Variants in CNTNAP2 observed in about 807,000 individuals in gnomAD.
The protein encoded by CNTNAP2 is contactin associated protein 2, also known as contactin-associated protein-like 2.
In CNTNAP2, 98 loss-of-function variants were observed where a neutral mutation model predicts 155.2. The ratio of observed to expected loss-of-function variants is 0.63; its 90% CI spans 0.54 to 0.75. CNTNAP2 has a LOEUF of 0.75. Among genes scored for constraint, CNTNAP2 ranks in the 30% least tolerant of loss-of-function variants. CNTNAP2 has a pLI of 0.00. For missense variants in CNTNAP2, 1,727 were observed against 1,688.1 expected (o/e 1.02, Z -0.40); for synonymous variants, 651 against 631.2 (o/e 1.03, Z -0.47).
At chr7:147,417,391 C>G (rs78914549) in intron 10 of CNTNAP2, among the ~76,000 whole-genome samples, 44 of 152,250 alleles carry the variant, frequency 2.9e-4, no homozygotes, top group African/African-American at 8.9e-4. Flanking sequence ...TTCTCACATG[C>G]TAGGCAGGCA....
intron 11 of CNTNAP2, among the ~76,000 whole-genome samples, chr7:147,505,479 A>G (rs1798890707): frequency 6.6e-6 from 1 of 152,206 alleles, no homozygotes. Flanking sequence ...TGTACACACT[A>G]AAGTGTGTCT....
chr7:146,407,589 T>A (rs1165493570), intron 1 of CNTNAP2, among the ~76,000 whole-genome samples: 1 of 152,184 alleles, frequency 6.6e-6, no homozygotes, highest in East Asian at 1.9e-4. Flanking sequence ...ATAGACAACC[T>A]CTTCCAGGAA....
intron 16 of CNTNAP2, among the ~76,000 whole-genome samples, chr7:148,126,914 C>A (rs1804728682): frequency 6.6e-6 from 1 of 152,072 alleles, no homozygotes; most frequent in Admixed American, 6.6e-5. Flanking sequence ...GTTAGGGTCC[C>A]CTTAGGGTGG....
At chr7:147,519,115 T>TA (rs1357248931) in intron 11 of CNTNAP2, among the ~76,000 whole-genome samples, 1 of 151,180 alleles carries the variant, frequency 6.6e-6, no homozygotes, top group Non-Finnish European at 1.5e-5. Context: ...ACAACACAAA[T>TA]ATGTTATCTT....
At chr7:147,058,539 C>G (rs1386942339) in intron 4 of CNTNAP2, among the ~76,000 whole-genome samples, 2 of 152,134 alleles carry the variant, frequency 1.3e-5, no homozygotes, top group African/African-American at 4.8e-5. Flanking sequence ...GCAAACAAAT[C>G]AATAAAATAA....
intron 1 of CNTNAP2, among the ~76,000 whole-genome samples, chr7:146,315,338 G>C (rs986272222): frequency 3.9e-5 from 6 of 152,142 alleles, no homozygotes; most frequent in African/African-American, 1.4e-4. Flanking sequence ...TTGCAGTGAT[G>C]GTAAAAGTTG....
rs1436821722 is a variant in CNTNAP2, at chr7:148,416,666, G to T, written c.*1050G>T. ...TCCTAATAGACAGTGTCCTGTAAAT[G>T]GACACAACACAATAAAGTCAAGTTA... On this transcript the variant is annotated 3_prime_UTR_variant, in exon 24 of 24. Transcript: ENST00000361727. The T allele has an allele frequency of 6.6e-6, 1 of 152,584 alleles. No homozygotes were observed. The highest frequency in any genetic ancestry group is 2.4e-5 in the African/African-American group (1 of 41,426). The allele number at this position is 152,584 out of a possible 1,614,324, so 9.5% of individuals were successfully genotyped here. A position where few individuals can be genotyped will look rare whatever the true frequency, so the allele number is the denominator to read the frequency against.
At chr7:146,762,722 C>T (rs1277295956) in intron 1 of CNTNAP2, among the ~76,000 whole-genome samples, 3 of 152,144 alleles carry the variant, frequency 2.0e-5, no homozygotes, top group South Asian at 2.1e-4. Flanking sequence ...CACAGTTCCA[C>T]GTGGCTGGGG....
At chr7:146,721,551 CTA>C (rs1347597286) in intron 1 of CNTNAP2, among the ~76,000 whole-genome samples, 1 of 92,448 alleles carries the variant, frequency 1.1e-5, no homozygotes, top group South Asian at 3.0e-4. Flanking sequence ...TATATATATT[CTA>C]TATACATTCT....
chr7:147,425,242 T>G (rs1584941379), intron 10 of CNTNAP2, among the ~76,000 whole-genome samples: 1 of 138,898 alleles, frequency 7.2e-6, no homozygotes, highest in Admixed American at 7.7e-5. Context: ...ATTCTCCTTC[T>G]TGTTCCACAC....
At chr7:148,066,730 C>T (rs185886933) in intron 15 of CNTNAP2, among the ~76,000 whole-genome samples, 1 of 152,202 alleles carries the variant, frequency 6.6e-6, no homozygotes, top group Admixed American at 6.5e-5. Flanking sequence ...GATCTCCTGA[C>T]CTCATGATCC....
At chr7:147,509,528 G>A (rs987539280) in intron 11 of CNTNAP2, among the ~76,000 whole-genome samples, 1 of 152,000 alleles carries the variant, frequency 6.6e-6, no homozygotes, top group Non-Finnish European at 1.5e-5. Context: ...TCCCTTCATT[G>A]TGCTTTTTCT....
At chr7:148,247,910 T>C (rs920380062) in intron 20 of CNTNAP2, among the ~76,000 whole-genome samples, 1 of 152,010 alleles carries the variant, frequency 6.6e-6, no homozygotes, top group Non-Finnish European at 1.5e-5. Context: ...CACCTCAGCC[T>C]CCCAAAGTGC....
At position 148,150,102 on chromosome 7, in the gene CNTNAP2, CAAAAAAAAAAAAAA is replaced by C. The variant is rs71188948; in HGVS notation, c.2773+2408_2773+2421del. On this transcript the variant is annotated intron_variant, in intron 17 of 23. Coordinates refer to ENST00000361727, the MANE Select transcript of CNTNAP2 (RefSeq NM_014141.6). Reference sequence around the variant, plus strand: ...TCAGGTGAAGTGAGAGGGGTTGTTACAAAAAAAAAAAAAAAAAAAAAAAAAAAAGGACGGCCACG... The same window carrying C: ...TCAGGTGAAGTGAGAGGGGTTGTTACAAAAAAAAAAAAAAGGACGGCCACG... Among the ~76,000 whole-genome samples the C allele has an allele frequency of 9.9e-4, 84 of 84,542 alleles. 4 individuals carry two copies. The South Asian group carries it at 0.03, about 30-fold the overall frequency. 55.5% of individuals were successfully genotyped at this position (84,542 alleles called of 152,430 possible). A position where few individuals can be genotyped will look rare whatever the true frequency, so the allele number is the denominator to read the frequency against.
chr7:147,872,529 A>G (rs1296654040), intron 13 of CNTNAP2, among the ~76,000 whole-genome samples: 1 of 152,184 alleles, frequency 6.6e-6, no homozygotes, highest in Non-Finnish European at 1.5e-5. Flanking sequence ...TCTGGAGATG[A>G]GCTCTTTCAA....
intron 13 of CNTNAP2, among the ~76,000 whole-genome samples, chr7:147,732,158 G>A (rs968042032): frequency 6.6e-6 from 1 of 150,634 alleles, no homozygotes; most frequent in African/African-American, 2.4e-5. Context: ...ATTTACATTA[G>A]GTATATCTCC....
chr7:147,402,157 G>T (rs1349347831), intron 10 of CNTNAP2, among the ~76,000 whole-genome samples: 1 of 152,178 alleles, frequency 6.6e-6, no homozygotes, highest in Non-Finnish European at 1.5e-5. Flanking sequence ...GTCAACATGG[G>T]AGTTGATCTC....
At chr7:147,128,172 A>G (rs903689260) in intron 6 of CNTNAP2, among the ~76,000 whole-genome samples, 1 of 152,106 alleles carries the variant, frequency 6.6e-6, no homozygotes, top group Admixed American at 6.6e-5. Context: ...ACTATTTTCT[A>G]CATCCAAAAT....
chr7:147,936,310 T>TTC, intron 14 of CNTNAP2, among the ~76,000 whole-genome samples: 1 of 152,022 alleles, frequency 6.6e-6, no homozygotes, highest in East Asian at 1.9e-4. Context: ...ATTTTTTTTT[T>TTC]TTTGCACTCA....
Sources: allele counts gnomAD v4.1 joint callset (sites outside exome capture counted in the v4.1 genomes callset), GRCh38; gene constraint gnomAD v4.1.1; transcripts MANE v1.5; gene names NCBI Gene and HGNC (gene_info 2026-07-23, HGNC 2026-07-21).